Variants in CACNG2 observed in about 807,000 individuals in gnomAD.
CACNG2 encodes calcium voltage-gated channel auxiliary subunit gamma 2, also known as voltage-dependent calcium channel gamma-2 subunit.
Under a neutral mutation model 25.9 loss-of-function variants are expected in CACNG2, and 3 were observed. That is an observed-to-expected ratio of 0.12 (90% CI 0.05 to 0.30). CACNG2 has a LOEUF of 0.30. CACNG2 is among the 10% of genes least tolerant of loss of function. The pLI is 1.00. For missense variants in CACNG2, 341 were observed against 432.5 expected (o/e 0.79, Z 1.88); for synonymous variants, 167 against 173.3 (o/e 0.96, Z 0.29).
chr22:36,595,679 T>C (rs765070180), intron 1 of CACNG2, among the ~76,000 whole-genome samples: 1 of 152,112 alleles, frequency 6.6e-6, no homozygotes, highest in Non-Finnish European at 1.5e-5. Flanking sequence ...CCCTCAGGCA[T>C]TGGCTTTGAG....
At chr22:36,592,916 C>T (rs1365971600) in intron 1 of CACNG2, among the ~76,000 whole-genome samples, 1 of 152,200 alleles carries the variant, frequency 6.6e-6, no homozygotes, top group Non-Finnish European at 1.5e-5. Flanking sequence ...GGTAGAGGCT[C>T]TCATCGGCAG....
At chr22:36,660,688 T>C (rs991922823) in intron 1 of CACNG2, among the ~76,000 whole-genome samples, 1 of 152,230 alleles carries the variant, frequency 6.6e-6, no homozygotes, top group African/African-American at 2.4e-5. Flanking sequence ...TTTCACCCAG[T>C]TGTCACCCAC....
At chr22:36,659,832 G>A (rs535760327) in intron 1 of CACNG2, among the ~76,000 whole-genome samples, 1 of 152,144 alleles carries the variant, frequency 6.6e-6, no homozygotes, top group African/African-American at 2.4e-5. Flanking sequence ...CCCTCCCCCA[G>A]CCTGCCACCC....
intron 2 of CACNG2, among the ~76,000 whole-genome samples, chr22:36,577,781 G>A (rs1226503057): frequency 6.6e-6 from 1 of 152,146 alleles, no homozygotes; most frequent in Non-Finnish European, 1.5e-5. Context: ...GAGTACAAGT[G>A]GCAGCTTAGA....
intron 1 of CACNG2, among the ~76,000 whole-genome samples, chr22:36,648,135 A>G (rs1601435078): frequency 6.6e-6 from 1 of 152,238 alleles, no homozygotes; most frequent in East Asian, 1.9e-4. Context: ...GCCAGTTAAC[A>G]ACATTGCCCA....
At chr22:36,571,855 C>T (rs536676170) in intron 2 of CACNG2, among the ~76,000 whole-genome samples, 1 of 144,794 alleles carries the variant, frequency 6.9e-6, no homozygotes, top group African/African-American at 2.6e-5. Flanking sequence ...CCAGCCTGGG[C>T]GTCACAGCAA....
chr22:36,590,547 T>C (rs1935574955), intron 1 of CACNG2, among the ~76,000 whole-genome samples: 1 of 152,038 alleles, frequency 6.6e-6, no homozygotes, highest in African/African-American at 2.4e-5. Flanking sequence ...ATTAGATCCT[T>C]AGTGTCTCAA....
At chr22:36,622,756 C>T (rs892069560) in intron 1 of CACNG2, among the ~76,000 whole-genome samples, 15 of 152,020 alleles carry the variant, frequency 9.9e-5, no homozygotes, top group Middle Eastern at 3.2e-3. Flanking sequence ...GTCAGGAGTT[C>T]GAGACCAGCC....
At chr22:36,605,539 G>C (rs2145935318) in intron 1 of CACNG2, among the ~76,000 whole-genome samples, 1 of 152,320 alleles carries the variant, frequency 6.6e-6, no homozygotes, top group South Asian at 2.1e-4. Flanking sequence ...ACAGGGTCTG[G>C]AGGCTGGCTA....
chr22:36,663,310 C>T (rs916806418), intron 1 of CACNG2, among the ~76,000 whole-genome samples: 3 of 152,084 alleles, frequency 2.0e-5, no homozygotes, highest in African/African-American at 2.4e-5. Flanking sequence ...TGGGGATCTC[C>T]GAGTCAAAAG....
chr22:36,668,278 T>A (rs1158729809), intron 1 of CACNG2, among the ~76,000 whole-genome samples: 1 of 152,236 alleles, frequency 6.6e-6, no homozygotes, highest in Non-Finnish European at 1.5e-5. Flanking sequence ...CCTTCTCCCA[T>A]GTACCTCCCC....
rs117631207 is a variant in CACNG2 at position 36,637,083 on chromosome 22, C to T, written c.212-49535G>A. On this transcript the variant is annotated intron_variant, in intron 1 of 3. Coordinates refer to ENST00000300105, the MANE Select transcript of CACNG2 (RefSeq NM_006078.5). ...AGGCAGCAACATCTGCTGTGTGAGG[C>T]TCTGGTGCCAGAGCCCATGTTGCAC... 5.8e-3 allele frequency among the ~76,000 whole-genome samples: 890 copies of T among 152,368 alleles called. 65 individuals are homozygous for T. In the East Asian group the frequency reaches 0.14, roughly 24 times the overall value.
At position 36,672,780 on chromosome 22, in the gene CACNG2, G is replaced by A. The variant is rs551929687; in HGVS notation, c.211+29586C>T. 2.4e-4 allele frequency among the ~76,000 whole-genome samples: 36 copies of A among 152,302 alleles called. No individual in the cohort carries two copies. In the South Asian group the frequency reaches 6.8e-3, roughly 29 times the overall value. On this transcript the variant is annotated intron_variant, in intron 1 of 3. Transcript: ENST00000300105. ...ACCCAGGCCCACTGAATCCCATTCC[G>A]TACTTTAGTCACATGCCAGCTGATT...
intron 2 of CACNG2, among the ~76,000 whole-genome samples, chr22:36,567,000 C>T (rs1001398812): frequency 6.6e-6 from 1 of 152,204 alleles, no homozygotes; most frequent in Non-Finnish European, 1.5e-5. Context: ...CTCGTCTGCA[C>T]TTTGGGGCCC....
intron 1 of CACNG2, among the ~76,000 whole-genome samples, chr22:36,642,341 G>A (rs1172637813): frequency 4.6e-5 from 7 of 152,264 alleles, no homozygotes; most frequent in South Asian, 4.1e-4. Context: ...GGATTTGACC[G>A]TTTCTTCCAC....
At chr22:36,644,475 C>T (rs1012215248) in intron 1 of CACNG2, among the ~76,000 whole-genome samples, 2 of 152,184 alleles carry the variant, frequency 1.3e-5, no homozygotes, top group Non-Finnish European at 2.9e-5. Flanking sequence ...TTCAGATTGG[C>T]TTCTTGCCAC....
chr22:36,663,369 C>A (rs893064874), intron 1 of CACNG2, among the ~76,000 whole-genome samples: 1 of 152,106 alleles, frequency 6.6e-6, no homozygotes, highest in African/African-American at 2.4e-5. Flanking sequence ...CCACCCCTAC[C>A]CTCTATACTC....
chr22:36,645,309 G>A (rs1240374112), intron 1 of CACNG2, among the ~76,000 whole-genome samples: 1 of 151,948 alleles, frequency 6.6e-6, no homozygotes, highest in East Asian at 1.9e-4. Context: ...AGGCTGAGAC[G>A]GGCGGATCAC....
intron 1 of CACNG2, among the ~76,000 whole-genome samples, chr22:36,655,041 T>C (rs1265507645): frequency 6.6e-6 from 1 of 151,944 alleles, no homozygotes; most frequent in Non-Finnish European, 1.5e-5. Flanking sequence ...GAAAACAGAA[T>C]GCTGGGGCCG....
Sources: gnomAD v4.1 joint callset for allele counts (sites outside exome capture counted in the v4.1 genomes callset) on GRCh38, gnomAD v4.1.1 for gene constraint, MANE v1.5 for transcripts, NCBI Gene and HGNC (gene_info 2026-07-23, HGNC 2026-07-21) for gene names.